The following PRKN variants were observed in gnomAD, a reference collection of about 807,000 sequenced individuals.
PRKN encodes parkin RBR E3 ubiquitin protein ligase.
Under a neutral mutation model 59.5 loss-of-function variants are expected in PRKN, and 56 were observed. The ratio of observed to expected loss-of-function variants is 0.94; its 90% CI spans 0.76 to 1.18. PRKN has a LOEUF of 1.18. PRKN is among the 50% of genes most tolerant of loss of function. The probability of loss-of-function intolerance (pLI) is 0.00; values close to 1 mark genes in which losing one functional copy is unlikely to be tolerated. For missense variants in PRKN, 657 were observed against 596.4 expected (o/e 1.10, Z -1.06); for synonymous variants, 250 against 222.1 (o/e 1.13, Z -1.12).
At chr6:162,575,495 T>C (rs1322144981) in intron 1 of PRKN, among the ~76,000 whole-genome samples, 2 of 152,182 alleles carry the variant, frequency 1.3e-5, no homozygotes, top group Non-Finnish European at 2.9e-5. Flanking sequence ...CTCCGTATTT[T>C]CCCTTGGTCT....
intron 2 of PRKN, among the ~76,000 whole-genome samples, chr6:162,301,790 G>GGGGC (rs1781971211): frequency 3.7e-5 from 4 of 106,978 alleles, no homozygotes; most frequent in East Asian, 5.1e-4. Context: ...GGGCGGGGGG[G>GGGGC]GGGTGCAGAA....
chr6:161,993,976 G>A (rs937948990), intron 5 of PRKN, among the ~76,000 whole-genome samples: 7 of 152,256 alleles, frequency 4.6e-5, no homozygotes, highest in African/African-American at 1.7e-4. Context: ...ATCTATTCAT[G>A]AGGAACTGCT....
intron 2 of PRKN, among the ~76,000 whole-genome samples, chr6:162,411,332 C>T (rs186751915): frequency 1.4e-3 from 215 of 152,094 alleles, no homozygotes; most frequent in East Asian, 0.01. Context: ...GCTCTTATAC[C>T]GGAATGACCA....
intron 7 of PRKN, among the ~76,000 whole-genome samples, chr6:161,693,362 A>G (rs1277740249): frequency 3.9e-5 from 6 of 151,980 alleles, no homozygotes; most frequent in African/African-American, 9.7e-5. Context: ...GATTTCCTTC[A>G]TGGGGAAAAT....
intron 6 of PRKN, among the ~76,000 whole-genome samples, chr6:161,958,866 G>A (rs924504701): frequency 8.3e-5 from 12 of 145,436 alleles, no homozygotes; most frequent in African/African-American, 3.0e-4. Context: ...GGCAACAAGA[G>A]TGAAACTCCA....
intron 9 of PRKN, among the ~76,000 whole-genome samples, chr6:161,517,049 T>C (rs189362094): frequency 2.6e-5 from 4 of 152,280 alleles, no homozygotes; most frequent in South Asian, 2.1e-4. Context: ...AGTAATAGTG[T>C]TGATTTCAAC....
chr6:162,427,015 C>T (rs1204450357), intron 2 of PRKN, among the ~76,000 whole-genome samples: 1 of 152,086 alleles, frequency 6.6e-6, no homozygotes, highest in Non-Finnish European at 1.5e-5. Flanking sequence ...ATTTTAAAAC[C>T]ATCACAGGCC....
At chr6:162,440,371 C>T (rs1436605908) in intron 2 of PRKN, among the ~76,000 whole-genome samples, 1 of 152,078 alleles carries the variant, frequency 6.6e-6, no homozygotes, top group Admixed American at 6.6e-5. Context: ...TTTCATAAGA[C>T]TGTGGTCTCA....
intron 2 of PRKN, among the ~76,000 whole-genome samples, chr6:162,362,257 T>C (rs1785180297): frequency 6.6e-6 from 1 of 152,196 alleles, no homozygotes; most frequent in Non-Finnish European, 1.5e-5. Context: ...CTCAAGAATG[T>C]TTTCGTTATT....
At chr6:162,702,258 G>A (rs1584078977) in intron 1 of PRKN, among the ~76,000 whole-genome samples, 1 of 152,100 alleles carries the variant, frequency 6.6e-6, no homozygotes, top group Admixed American at 6.6e-5. Flanking sequence ...GATATATTGA[G>A]TCTCTGGTTT....
intron 1 of PRKN, among the ~76,000 whole-genome samples, chr6:162,554,972 C>G (rs140858890): frequency 3.2e-4 from 48 of 152,250 alleles, no homozygotes; most frequent in Non-Finnish European, 2.9e-4. Context: ...TATTATATAT[C>G]TAACTCAAAA....
chr6:162,400,217 C>T lies in PRKN; in HGVS notation c.171+43093G>A, dbSNP rs150207613. Among the ~76,000 whole-genome samples, 317 of 149,156 alleles carry T rather than the reference C, an allele frequency of 2.1e-3. 1 individual carries two copies. The highest frequency in any genetic ancestry group is 6.9e-3 in the African/African-American group (281 of 40,862). ...GCAAGACTCTGTCTCAAGAAAAAAA[C>T]AAACAAACAACAACAAAAAAAAAAA... is the stretch of plus-strand genomic sequence containing the variant. On this transcript the variant is annotated intron_variant, in intron 2 of 11. Transcript: ENST00000366898.
chr6:161,503,190 G>C lies in PRKN; in HGVS notation c.1083+45664C>G, dbSNP rs2115307200. 6.6e-6 allele frequency among the ~76,000 whole-genome samples: 1 copy of C among 152,280 alleles called. No homozygotes were observed. Among genetic ancestry groups the C allele is most frequent in the South Asian group, 2.1e-4 (1 of 4,824 alleles). On this transcript the variant is annotated intron_variant, in intron 9 of 11. Transcript: ENST00000366898. This position sits in a 1 kb window ranked among gnomAD's most constrained non-coding sequence, Gnocchi z 5.1. ...AGGAGATGGGATCTGGAAGGCCTGGGTGCTACTTGTAATACTAGATTGACT... is the reference window on the plus strand; with the variant it reads ...AGGAGATGGGATCTGGAAGGCCTGGCTGCTACTTGTAATACTAGATTGACT...
At chr6:162,651,230 G>A (rs1778420343) in intron 1 of PRKN, among the ~76,000 whole-genome samples, 1 of 152,080 alleles carries the variant, frequency 6.6e-6, no homozygotes, top group African/African-American at 2.4e-5. Context: ...ACATTTTTCA[G>A]AAAACAGAGA....
intron 6 of PRKN, among the ~76,000 whole-genome samples, chr6:161,870,446 C>T (rs1794297886): frequency 6.6e-6 from 1 of 152,150 alleles, no homozygotes; most frequent in Non-Finnish European, 1.5e-5. Flanking sequence ...CTTGCTGTCT[C>T]CCACATTCTC....
rs924106387 is a variant in PRKN at position 161,896,006 on chromosome 6, C to G, written c.734+77296G>C. Reference sequence around the variant, plus strand: ...GTAAAGCTAAGGGGCTAGAGACCACCTTGTTATCAGTAAGAAGGGAAAATC... The same window carrying G: ...GTAAAGCTAAGGGGCTAGAGACCACGTTGTTATCAGTAAGAAGGGAAAATC... On this transcript the variant is annotated intron_variant, in intron 6 of 11. Coordinates refer to ENST00000366898, the MANE Select transcript of PRKN (RefSeq NM_004562.3). Among the ~76,000 whole-genome samples the G allele has an allele frequency of 2.0e-5, 3 of 152,218 alleles. No homozygotes were observed. The East Asian group carries it at 5.8e-4, about 29-fold the overall frequency.
chr6:161,500,250 C>T (rs1429728824), intron 9 of PRKN, among the ~76,000 whole-genome samples: 1 of 152,186 alleles, frequency 6.6e-6, no homozygotes, highest in Non-Finnish European at 1.5e-5. Flanking sequence ...GCCTCCCCCA[C>T]TATCAGTGTT....
At chr6:162,370,655 G>C (rs549462942) in intron 2 of PRKN, among the ~76,000 whole-genome samples, 1 of 152,194 alleles carries the variant, frequency 6.6e-6, no homozygotes, top group Non-Finnish European at 1.5e-5. Flanking sequence ...TGAAATTCAC[G>C]TTTACTTATT....
chr6:162,586,576 C>G (rs138082707), intron 1 of PRKN, among the ~76,000 whole-genome samples: 15 of 152,272 alleles, frequency 9.9e-5, no homozygotes, highest in African/African-American at 3.1e-4. Context: ...TCCAATATGA[C>G]TATGAGTTAA....
Sources: allele counts gnomAD v4.1 joint callset (sites outside exome capture counted in the v4.1 genomes callset), GRCh38; gene constraint gnomAD v4.1.1; non-coding constraint Gnocchi (gnomAD v3.1); transcripts MANE v1.5; gene names NCBI Gene and HGNC (gene_info 2026-07-23, HGNC 2026-07-21).